The following ATP6V1H variants were observed in gnomAD, a reference collection of about 807,000 sequenced individuals.
ATP6V1H encodes the protein V-type proton ATPase subunit H.
In ATP6V1H, 39 loss-of-function variants were observed where a neutral mutation model predicts 71.7. That is an observed-to-expected ratio of 0.54 (90% CI 0.42 to 0.71). The LOEUF (loss-of-function observed/expected upper bound fraction) is 0.71, where lower values mean the gene tolerates loss of function less well. Ranked by LOEUF, ATP6V1H falls within the 30% of genes least tolerant of loss-of-function variation. The pLI is 0.00. For missense variants in ATP6V1H, 509 were observed against 594.9 expected (o/e 0.86, Z 1.50); for synonymous variants, 192 against 199.3 (o/e 0.96, Z 0.31).
chr8:53,808,406 T>C (rs552878695), intron 7 of ATP6V1H, among the ~76,000 whole-genome samples: 8 of 152,352 alleles, frequency 5.3e-5, no homozygotes, highest in Middle Eastern at 3.4e-3. Context: ...ATCTGATGTC[T>C]ATTTTCACAA....
chr8:53,771,259 C>T (rs1412417074), intron 10 of ATP6V1H, among the ~76,000 whole-genome samples: 1 of 152,158 alleles, frequency 6.6e-6, no homozygotes, highest in Admixed American at 6.5e-5. Flanking sequence ...CCCCAATCCA[C>T]CCAAGAGAAG....
chr8:53,738,591 T>C (rs1383056808), intron 13 of ATP6V1H, among the ~76,000 whole-genome samples: 1 of 152,212 alleles, frequency 6.6e-6, no homozygotes, highest in Non-Finnish European at 1.5e-5. Flanking sequence ...CACTTAGTCA[T>C]GTGCACCTAT....
At chr8:53,750,201 T>C (rs1027950540) in intron 12 of ATP6V1H, among the ~76,000 whole-genome samples, 2 of 152,182 alleles carry the variant, frequency 1.3e-5, no homozygotes, top group Admixed American at 6.5e-5. Context: ...GGCAATTAAC[T>C]GTCACGTTAT....
chr8:53,834,462 T>C (rs1811096802), intron 2 of ATP6V1H, among the ~76,000 whole-genome samples: 1 of 152,222 alleles, frequency 6.6e-6, no homozygotes, highest in Non-Finnish European at 1.5e-5. Context: ...AGTCTCACTC[T>C]GTTGCCAGGC....
chr8:53,827,125 T>C (rs1810848398), intron 4 of ATP6V1H, among the ~76,000 whole-genome samples: 1 of 152,028 alleles, frequency 6.6e-6, no homozygotes, highest in South Asian at 2.1e-4. Context: ...CTCACTCCTG[T>C]AATCCCAGCA....
intron 2 of ATP6V1H, among the ~76,000 whole-genome samples, chr8:53,834,360 G>A (rs557426288): frequency 6.6e-6 from 1 of 152,342 alleles, no homozygotes; most frequent in South Asian, 2.1e-4. Context: ...GTAAAAGCAA[G>A]TGTAAAATTA....
At chr8:53,733,432 A>G (rs1807095619) in intron 13 of ATP6V1H, among the ~76,000 whole-genome samples, 1 of 152,274 alleles carries the variant, frequency 6.6e-6, no homozygotes, top group Non-Finnish European at 1.5e-5. Flanking sequence ...GTGTTGCTCC[A>G]GTGTGTCGAC....
intron 7 of ATP6V1H, among the ~76,000 whole-genome samples, chr8:53,805,193 C>T (rs976752077): frequency 2.0e-5 from 3 of 152,180 alleles, no homozygotes; most frequent in Non-Finnish European, 2.9e-5. Context: ...CCGTATTCAT[C>T]TACATTCTGG....
At chr8:53,776,907 T>A (rs1808910279) in intron 9 of ATP6V1H, among the ~76,000 whole-genome samples, 2 of 152,154 alleles carry the variant, frequency 1.3e-5, no homozygotes, top group South Asian at 4.1e-4. Context: ...CACAGATCAT[T>A]TGAAATTTTA....
At position 53,767,801 on chromosome 8, in the gene ATP6V1H, T is replaced by C. The variant is rs76784104; in HGVS notation, c.1175+1817A>G. Among the ~76,000 whole-genome samples the C allele has an allele frequency of 5.1e-3, 775 of 152,290 alleles. 6 individuals are homozygous for C. The highest frequency in any genetic ancestry group is 0.018 in the African/African-American group (736 of 41,554). On this transcript the variant is annotated intron_variant, in intron 11 of 13. Transcript: ENST00000359530. Reference sequence around the variant, plus strand: ...GAAGTTGGAACCTTACTTCATACCATATACAAAAATTAACTCAAAATGGAT... The same window carrying C: ...GAAGTTGGAACCTTACTTCATACCACATACAAAAATTAACTCAAAATGGAT...
At position 53,756,476 on chromosome 8, in the gene ATP6V1H, C is replaced by T. The variant is rs1808067610; in HGVS notation, c.1277+79G>A. Reference sequence around the variant, plus strand: ...TGTTAGTTCCTTTGCTAACCTACTCCATTTTAGATAAGTACATTATTTAGG... The same window carrying T: ...TGTTAGTTCCTTTGCTAACCTACTCTATTTTAGATAAGTACATTATTTAGG... On this transcript the variant is annotated intron_variant, in intron 12 of 13. Coordinates refer to ENST00000359530, the MANE Select transcript of ATP6V1H (RefSeq NM_015941.4). 2.9e-6 allele frequency: 3 copies of T among 1,026,718 alleles called. No homozygotes were observed. The South Asian group carries it at 4.8e-5, about 16-fold the overall frequency. 63.6% of individuals were successfully genotyped at this position (1,026,718 alleles called of 1,614,324 possible).
chr8:53,719,146 C>A (rs530393150), intron 13 of ATP6V1H, among the ~76,000 whole-genome samples: 1 of 152,114 alleles, frequency 6.6e-6, no homozygotes, highest in Admixed American at 6.5e-5. Context: ...TCCACTCCTT[C>A]GAACTTGGCT....
rs1361552604 is a variant in ATP6V1H at position 53,817,633 on chromosome 8, T to C, written c.307-103A>G. On this transcript the variant is annotated intron_variant, in intron 4 of 13. Coordinates refer to ENST00000359530, the MANE Select transcript of ATP6V1H (RefSeq NM_015941.4). ...ACCTCCCATCAGTCTGTGTTCTTTT[T>C]TCAGTGTGTGTGTATGTGTGATTTG... is the stretch of plus-strand genomic sequence containing the variant. 4.3e-6 allele frequency: 3 copies of C among 705,638 alleles called. No individual in the cohort carries two copies. In the Admixed American group the frequency reaches 7.3e-5, roughly 17 times the overall value. The allele number at this position is 705,638 out of a possible 1,614,324, so 43.7% of individuals were successfully genotyped here. A position where few individuals can be genotyped will look rare whatever the true frequency, so the allele number is the denominator to read the frequency against.
intron 1 of ATP6V1H, among the ~76,000 whole-genome samples, chr8:53,842,110 C>T (rs1053150717): frequency 6.6e-6 from 1 of 152,080 alleles, no homozygotes; most frequent in African/African-American, 2.4e-5. Flanking sequence ...ATGAATAGTA[C>T]GGATAAGGCT....
intron 7 of ATP6V1H, among the ~76,000 whole-genome samples, chr8:53,805,156 T>G (rs1229137385): frequency 6.6e-6 from 1 of 152,224 alleles, no homozygotes; most frequent in African/African-American, 2.4e-5. Flanking sequence ...AGGATTTAAG[T>G]GCAAACTAAG....
At chr8:53,755,707 TA>T (rs1563450966) in intron 12 of ATP6V1H, among the ~76,000 whole-genome samples, 3 of 4,320 alleles carry the variant, frequency 6.9e-4, no homozygotes, top group African/African-American at 2.0e-3. Context: ...TATATATATA[TA>T]TATATATATA....
chr8:53,818,003 T>C (rs987274731), intron 4 of ATP6V1H, among the ~76,000 whole-genome samples: 1 of 152,206 alleles, frequency 6.6e-6, no homozygotes, highest in African/African-American at 2.4e-5. Flanking sequence ...CTTCTTAGCA[T>C]ATCATGGTAG....
chr8:53,819,600 T>C (rs7463914), intron 4 of ATP6V1H, among the ~76,000 whole-genome samples: 2 of 102,470 alleles, frequency 2.0e-5, no homozygotes, highest in Non-Finnish European at 3.9e-5. Flanking sequence ...TACACACACA[T>C]ACACACATTG....
chr8:53,792,268 C>T (rs149287376), intron 9 of ATP6V1H, among the ~76,000 whole-genome samples: 36 of 152,306 alleles, frequency 2.4e-4, no homozygotes, highest in Non-Finnish European at 4.7e-4. Flanking sequence ...ATGATTTTTA[C>T]ATGAAAAAGA....
Sources: allele counts gnomAD v4.1 joint callset (sites outside exome capture counted in the v4.1 genomes callset), GRCh38; gene constraint gnomAD v4.1.1; transcripts MANE v1.5; gene names NCBI Gene and HGNC (gene_info 2026-07-23, HGNC 2026-07-21).